Variants in BLTP1 observed in about 807,000 individuals in gnomAD.
BLTP1 encodes bridge-like lipid transfer protein family member 1, also known as fragile site-associated protein.
the BLTP1 span, chr4:122,345,887 T>C: frequency 4.7e-5 from 10 of 214,456 alleles, no homozygotes; most frequent in Admixed American, 6.5e-5. Flanking sequence ...TAAGTTGTAT[T>C]AGGGGCAACA....
chr4:122,347,877 T>A, the BLTP1 span: 1 of 822,692 alleles, frequency 1.2e-6, no homozygotes, highest in Non-Finnish European at 1.8e-6. Flanking sequence ...GAAAATAAAT[T>A]CTTGAGGTTT....
At chr4:122,153,884 C>A in the BLTP1 span, 3 of 515,792 alleles carry the variant, frequency 5.8e-6, no homozygotes, top group Non-Finnish European at 7.5e-6. Context: ...AAACTTTAAA[C>A]AAGGAAACGT....
At chr4:122,183,261 T>G in the BLTP1 span, 7 of 489,430 alleles carry the variant, frequency 1.4e-5, no homozygotes, top group Non-Finnish European at 1.8e-5. Context: ...ACTTGAGCCA[T>G]GGAGATTGAG....
chr4:122,271,010 G>T, the BLTP1 span: 4 of 1,554,900 alleles, frequency 2.6e-6, no homozygotes, highest in Non-Finnish European at 3.5e-6. Flanking sequence ...TTTATTTCAC[G>T]TTTTTAGGCA....
At chr4:122,316,806 G>A in the BLTP1 span, 1 of 1,613,234 alleles carries the variant, frequency 6.2e-7, no homozygotes, top group South Asian at 1.1e-5. Context: ...AAATTATGAA[G>A]CGTATAGTGG....
At chr4:122,254,323 A>G in the BLTP1 span, 1 of 1,610,360 alleles carries the variant, frequency 6.2e-7, no homozygotes, top group Non-Finnish European at 8.5e-7. Context: ...CCAATGTGAG[A>G]TCTCACACAC....
the BLTP1 span, chr4:122,173,186 C>T: frequency 6.3e-7 from 1 of 1,595,600 alleles, no homozygotes; most frequent in Non-Finnish European, 8.5e-7. Flanking sequence ...TTTTTTCTTC[C>T]TTATAATCTT....
chr4:122,232,372 A>G, the BLTP1 span, among the ~76,000 whole-genome samples: 1 of 152,198 alleles, frequency 6.6e-6, no homozygotes, highest in Non-Finnish European at 1.5e-5. Flanking sequence ...TAAACAACAA[A>G]ACACATTTTA....
At chr4:122,243,332 G>T in the BLTP1 span, 1 of 842,164 alleles carries the variant, frequency 1.2e-6, no homozygotes, top group Non-Finnish European at 1.4e-6. Flanking sequence ...ATTTGGCAAA[G>T]GTACATCAGG....
chr4:122,292,953 T>G, the BLTP1 span: 1 of 484,728 alleles, frequency 2.1e-6, no homozygotes, highest in African/African-American at 2.2e-5. Flanking sequence ...CCCCAAAGGC[T>G]AATCCAAAAA....
the BLTP1 span, chr4:122,359,505 C>T: frequency 6.6e-5 from 104 of 1,573,362 alleles, no homozygotes; most frequent in Non-Finnish European, 4.3e-6. Context: ...TGTTCTAATT[C>T]TTATGGTGAT....
At chr4:122,268,040 A>C in the BLTP1 span, among the ~76,000 whole-genome samples, 4,311 of 152,246 alleles carry the variant, frequency 0.028, 135 homozygotes, top group African/African-American at 0.08. Flanking sequence ...TGCTTTTCAC[A>C]ATAGTCTTAT....
chr4:122,276,259 G>C, the BLTP1 span: 10 of 375,758 alleles, frequency 2.7e-5, no homozygotes, highest in Non-Finnish European at 4.2e-5. Flanking sequence ...TAACACTGTA[G>C]TTGTGTGTTG....
At chr4:122,237,308 A>G in the BLTP1 span, 3 of 985,380 alleles carry the variant, frequency 3.0e-6, no homozygotes, top group Non-Finnish European at 3.6e-6. Context: ...CTCAGTTTAT[A>G]TAACACATCA....
chr4:122,250,208 C>T, the BLTP1 span: 2 of 395,348 alleles, frequency 5.1e-6, no homozygotes, highest in East Asian at 1.6e-4. Flanking sequence ...CAATTATTTA[C>T]CTGATAATTC....
At chr4:122,179,336 A>G in the BLTP1 span, among the ~76,000 whole-genome samples, 1 of 152,176 alleles carries the variant, frequency 6.6e-6, no homozygotes. Flanking sequence ...AAAGAGAAAC[A>G]TTTAGCTCAG....
At chr4:122,359,687 T>C in the BLTP1 span, 25 of 1,611,760 alleles carry the variant, frequency 1.6e-5, no homozygotes, top group Admixed American at 4.2e-4. Flanking sequence ...GGAGAGATTT[T>C]ATGTGCAATA....
the BLTP1 span, chr4:122,254,366 T>C: frequency 7.2e-6 from 11 of 1,526,898 alleles, no homozygotes; most frequent in Non-Finnish European, 1.0e-5. Flanking sequence ...TTTTAAAATA[T>C]AGTAGTATCG....
At chr4:122,353,226 C>T in the BLTP1 span, 14 of 1,558,510 alleles carry the variant, frequency 9.0e-6, no homozygotes, top group African/African-American at 1.4e-5. This position sits in a 1 kb window ranked among gnomAD's most constrained non-coding sequence, Gnocchi z 4.3. Context: ...AATTGTATTT[C>T]TGAAGTCCAT....
Sources: gnomAD v4.1 joint callset for allele counts (sites outside exome capture counted in the v4.1 genomes callset) on GRCh38, gnomAD v4.1.1 for gene constraint, Gnocchi (gnomAD v3.1) non-coding constraint, MANE v1.5 for transcripts, NCBI Gene and HGNC (gene_info 2026-07-23, HGNC 2026-07-21) for gene names.